Variants in CSNK1G3 observed in about 807,000 individuals in gnomAD.
The protein encoded by CSNK1G3 is casein kinase 1 gamma 3.
Under a neutral mutation model 64.3 loss-of-function variants are expected in CSNK1G3, and 23 were observed. The ratio of observed to expected loss-of-function variants is 0.36; its 90% CI spans 0.26 to 0.51. The LOEUF (loss-of-function observed/expected upper bound fraction) is 0.51. CSNK1G3 is among the 20% of genes least tolerant of loss of function. The probability of loss-of-function intolerance (pLI) is 0.96; values close to 1 mark genes in which losing one functional copy is unlikely to be tolerated. For synonymous variants in CSNK1G3, 158 were observed against 162.2 expected, an observed-to-expected ratio of 0.97 and a Z score of 0.20; for missense variants, 357 against 510.5, an observed-to-expected ratio of 0.70 and a Z score of 2.90.
intron 6 of CSNK1G3, among the ~76,000 whole-genome samples, chr5:123,583,817 C>T (rs577385235): frequency 1.6e-4 from 24 of 152,110 alleles, no homozygotes; most frequent in Non-Finnish European, 2.5e-4. Flanking sequence ...GTAACTGGGA[C>T]TACAGGTGCA....
At chr5:123,558,736 C>T (rs1785104329) in intron 4 of CSNK1G3, among the ~76,000 whole-genome samples, 1 of 152,190 alleles carries the variant, frequency 6.6e-6, no homozygotes, top group Non-Finnish European at 1.5e-5. Flanking sequence ...AAAATTATCA[C>T]TGACAACTGG....
chr5:123,554,197 A>G (rs747871520), intron 3 of CSNK1G3, among the ~76,000 whole-genome samples: 1 of 152,236 alleles, frequency 6.6e-6, no homozygotes, highest in Non-Finnish European at 1.5e-5. Context: ...GTAGGGTTGC[A>G]GTGCCATGAA....
chr5:123,581,213 G>A (rs1040874566), intron 6 of CSNK1G3, among the ~76,000 whole-genome samples: 1 of 151,268 alleles, frequency 6.6e-6, no homozygotes, highest in Non-Finnish European at 1.5e-5. Context: ...ATGTTTCAGG[G>A]TATAGTTTTT....
At chr5:123,573,657 C>T (rs994471964) in intron 5 of CSNK1G3, 116 bp downstream of exon 5, 1 of 775,330 alleles carries the variant, frequency 1.3e-6, no homozygotes, top group Non-Finnish European at 1.9e-6. Flanking sequence ...TGACGTAATA[C>T]AAATGTTTCT....
At chr5:123,598,844 A>C (rs922072073) in intron 10 of CSNK1G3, among the ~76,000 whole-genome samples, 8 of 152,156 alleles carry the variant, frequency 5.3e-5, no homozygotes, top group Non-Finnish European at 1.2e-4. Context: ...ACAAGTCTAA[A>C]TGAGGGATAC....
intron 12 of CSNK1G3, among the ~76,000 whole-genome samples, chr5:123,606,696 A>G (rs77886129): frequency 2.1e-3 from 312 of 152,064 alleles, no homozygotes; most frequent in African/African-American, 6.8e-3. Context: ...TCTGTGTCCT[A>G]TATTTTTACT....
At chr5:123,591,352 G>T (rs751857393) in exon 10 of CSNK1G3, 1 of 1,610,022 alleles carries the variant, frequency 6.2e-7, no homozygotes, top group Non-Finnish European at 8.5e-7. Context: ...GCAAGATCCT[G>T]CTCTGTCATC....
intron 4 of CSNK1G3, among the ~76,000 whole-genome samples, chr5:123,569,700 C>T (rs1787689588): frequency 6.6e-6 from 1 of 152,104 alleles, no homozygotes; most frequent in African/African-American, 2.4e-5. Context: ...TAATAAATGT[C>T]AGTTTTTCTT....
chr5:123,594,749 A>AT (rs1478320892), intron 10 of CSNK1G3, among the ~76,000 whole-genome samples: 1 of 152,010 alleles, frequency 6.6e-6, no homozygotes, highest in Non-Finnish European at 1.5e-5. Context: ...CTGGTTCTTT[A>AT]TTAGTTCATT....
intron 1 of CSNK1G3, among the ~76,000 whole-genome samples, chr5:123,518,375 T>C (rs1221504731): frequency 6.6e-6 from 1 of 152,192 alleles, no homozygotes; most frequent in Non-Finnish European, 1.5e-5. Context: ...AAATGGCACA[T>C]TGAAGTATGA....
chr5:123,574,684 G>A (rs1447863341), intron 5 of CSNK1G3, among the ~76,000 whole-genome samples: 1 of 151,890 alleles, frequency 6.6e-6, no homozygotes, highest in East Asian at 1.9e-4. Flanking sequence ...AAAAAAATAA[G>A]CCAGGTGTGG....
rs1257327452 is a variant in CSNK1G3 at position 123,519,486 on chromosome 5, A to T, written c.-248+6916A>T. Among the ~76,000 whole-genome samples, 9 of 152,218 alleles carry T rather than the reference A, an allele frequency of 5.9e-5. 1 individual carries two copies. The highest frequency in any genetic ancestry group is 1.2e-4 in the Non-Finnish European group (8 of 68,034). On this transcript the variant is annotated intron_variant, in intron 1 of 12. Transcript: ENST00000345990. ...AACTCATGAAGCCATTTAATTTTAC[A>T]TTAAAATTTTTTCCTATAAACTTGT...
chr5:123,533,804 A>G (rs1295962316), intron 1 of CSNK1G3, among the ~76,000 whole-genome samples: 1 of 149,878 alleles, frequency 6.7e-6, no homozygotes, highest in Non-Finnish European at 1.5e-5. Flanking sequence ...CTTCCCCCAG[A>G]GGTTTTTTCT....
intron 4 of CSNK1G3, among the ~76,000 whole-genome samples, chr5:123,568,207 G>A (rs1787316010): frequency 6.6e-6 from 1 of 152,150 alleles, no homozygotes; most frequent in Admixed American, 6.5e-5. Context: ...TCATTGATTT[G>A]CTGAGGATAC....
chr5:123,592,493 A>T (rs1792561442), intron 10 of CSNK1G3, among the ~76,000 whole-genome samples: 1 of 152,098 alleles, frequency 6.6e-6, no homozygotes, highest in South Asian at 2.1e-4. Context: ...GTTTTATCGA[A>T]GACATCTTTG....
intron 4 of CSNK1G3, among the ~76,000 whole-genome samples, chr5:123,567,425 AC>A (rs1239155719): frequency 1.3e-5 from 2 of 152,076 alleles, no homozygotes; most frequent in Non-Finnish European, 1.5e-5. Context: ...ACATAGGGAA[AC>A]CCTGTCTCTA....
At chr5:123,518,458 G>T (rs1393195079) in intron 1 of CSNK1G3, among the ~76,000 whole-genome samples, 1 of 152,168 alleles carries the variant, frequency 6.6e-6, no homozygotes, top group East Asian at 1.9e-4. Context: ...TTGGCTGTTT[G>T]TCTTCTGTGT....
intron 3 of CSNK1G3, among the ~76,000 whole-genome samples, chr5:123,556,689 C>G (rs1051294435): frequency 1.3e-5 from 2 of 151,866 alleles, no homozygotes; most frequent in African/African-American, 4.8e-5. Context: ...TACCCTGTTA[C>G]AGTTTTCTAC....
chr5:123,531,305 A>AGTCTCCTTAAGTCTC (rs1779899101), intron 1 of CSNK1G3, among the ~76,000 whole-genome samples: 1 of 152,090 alleles, frequency 6.6e-6, no homozygotes, highest in Non-Finnish European at 1.5e-5. Flanking sequence ...TTCTCCTTAG[A>AGTCTCCTTAAGTCTC]CTTAAGTAGA....
Sources: gnomAD v4.1 joint callset for allele counts (sites outside exome capture counted in the v4.1 genomes callset) on GRCh38, gnomAD v4.1.1 for gene constraint, MANE v1.5 for transcripts, NCBI Gene and HGNC (gene_info 2026-07-23, HGNC 2026-07-21) for gene names.